Variants in PATJ observed in about 807,000 individuals in gnomAD.
PATJ encodes inaD-like protein.
In PATJ, 190 loss-of-function variants were observed where a neutral mutation model predicts 224.9. The ratio of observed to expected loss-of-function variants is 0.84; its 90% confidence interval spans 0.75 to 0.95. The LOEUF is 0.95. Ranked by LOEUF, PATJ falls within the 40% of genes least tolerant of loss-of-function variation. The probability of loss-of-function intolerance (pLI) is 0.00; values close to 1 mark genes in which losing one functional copy is unlikely to be tolerated. For synonymous variants in PATJ, 769 were observed against 820.3 expected, an observed-to-expected ratio of 0.94 and a Z score of 1.07; for missense variants, 2,121 against 2,270.3, an observed-to-expected ratio of 0.93 and a Z score of 1.34.
intron 33 of PATJ, among the ~76,000 whole-genome samples, chr1:62,102,859 C>G (rs1283344348): frequency 2.1e-5 from 1 of 47,008 alleles, no homozygotes; most frequent in Non-Finnish European, 4.3e-5. Flanking sequence ...TACCCTGTCT[C>G]AAAAAAAAAA....
chr1:62,017,782 C>A (rs1009050759), intron 28 of PATJ, 74 bp from the exon 29 acceptor site: 39 of 667,320 alleles, frequency 5.8e-5, no homozygotes, highest in Non-Finnish European at 9.3e-5. Flanking sequence ...TAGACTTTAT[C>A]ATTTAATTCC....
At chr1:61,811,273 G>T (rs1447362112) in intron 14 of PATJ, among the ~76,000 whole-genome samples, 1 of 152,054 alleles carries the variant, frequency 6.6e-6, no homozygotes, top group Non-Finnish European at 1.5e-5. Flanking sequence ...TTATTGCCTA[G>T]GCTGGGGTGC....
intron 30 of PATJ, 44 bp from the exon 31 acceptor site, chr1:62,050,922 G>C: frequency 7.0e-7 from 1 of 1,425,282 alleles, no homozygotes; most frequent in South Asian, 1.2e-5. Flanking sequence ...GGGAGTGTAA[G>C]TGAAGAATGA....
chr1:62,050,806 C>T (rs1653462974), intron 30 of PATJ, among the ~76,000 whole-genome samples, 160 bp from the exon 31 acceptor site: 1 of 152,150 alleles, frequency 6.6e-6, no homozygotes, highest in Admixed American at 6.5e-5. Context: ...AACAACAAAA[C>T]AGTCTTCTGC....
chr1:62,145,793 TA>T lies in PATJ; in HGVS notation c.5272-2486del, dbSNP rs573852295. The stretch of plus-strand genomic sequence containing the variant: ...CAACATGGTGAAACCCTGTCTCTAC[TA>T]AAAATACAAAAAAATTAGCCAGGCA... On this transcript the variant is annotated intron_variant, in intron 41 of 43. Coordinates refer to ENST00000642238, the MANE Select transcript of PATJ (RefSeq NM_001350145.3). 1.7e-3 allele frequency among the ~76,000 whole-genome samples: 265 copies of T among 151,822 alleles called. 1 individual carries two copies. The highest frequency in any genetic ancestry group is 6.1e-3 in the African/African-American group (254 of 41,394).
intron 29 of PATJ, among the ~76,000 whole-genome samples, chr1:62,025,493 G>C (rs1379527230): frequency 6.6e-6 from 1 of 152,200 alleles, no homozygotes; most frequent in African/African-American, 2.4e-5. Context: ...GAGGGGAATA[G>C]CTGAGAGTAT....
intron 17 of PATJ, among the ~76,000 whole-genome samples, chr1:61,835,115 C>T (rs1342706037): frequency 6.6e-6 from 1 of 152,082 alleles, no homozygotes; most frequent in Non-Finnish European, 1.5e-5. Context: ...TGCCAGATAG[C>T]CCTCTTCCTT....
At chr1:61,757,080 C>CTT (rs55788991) in intron 1 of PATJ, among the ~76,000 whole-genome samples, 5,016 of 129,148 alleles carry the variant, frequency 0.039, 311 homozygotes, top group East Asian at 0.13. Context: ...GTCACTTTTA[C>CTT]TTTTTTTTTT....
At chr1:61,774,152 G>A (rs1274558184) in intron 6 of PATJ, among the ~76,000 whole-genome samples, 1 of 150,778 alleles carries the variant, frequency 6.6e-6, no homozygotes, top group Non-Finnish European at 1.5e-5. Context: ...TTAGCTGGGC[G>A]TGGTGGTACA....
chr1:61,753,590 A>G (rs1242704148), intron 1 of PATJ, among the ~76,000 whole-genome samples: 2 of 151,388 alleles, frequency 1.3e-5, no homozygotes, highest in Admixed American at 6.6e-5. Context: ...GCTCACTGCA[A>G]CCTCCGCCTC....
In PATJ at chr1:61,884,356, A is replaced by C. The variant is rs1361752564; in HGVS notation, c.3079A>C (p.Lys1027Gln). 1 of 1,612,924 alleles carries C rather than the reference A, an allele frequency of 6.2e-7. No homozygotes were observed. Among genetic ancestry groups the C allele is most frequent in the Non-Finnish European group, 8.5e-7 (1 of 1,179,546 alleles). ...YQHQATRVIS[K>Q]ASAYTGMLSS... ...ACACCAAGCGACACGAGTTATTTCC[A>C]AGGCCTCAGCATACACAGGAATGTT... Residue 1027 changes from lysine to glutamine, a missense_variant, in exon 22 of 44, where the codon AAG becomes CAG. Lys to Gln is a moderately conservative substitution (Grantham distance 53, BLOSUM62 1). Transcript: ENST00000642238.
intron 14 of PATJ, among the ~76,000 whole-genome samples, chr1:61,819,824 A>G (rs1281221651): frequency 6.6e-6 from 1 of 152,172 alleles, no homozygotes; most frequent in African/African-American, 2.4e-5. Flanking sequence ...GCATTTAGCA[A>G]CTAACCAAAC....
chr1:61,854,685 C>T (rs1255798733), intron 17 of PATJ, among the ~76,000 whole-genome samples: 1 of 152,168 alleles, frequency 6.6e-6, no homozygotes, highest in Non-Finnish European at 1.5e-5. Context: ...ATCTGTAAAA[C>T]ACAGACAATA....
At position 61,914,323 on chromosome 1, in the gene PATJ, G is replaced by T. The variant is rs186074602; in HGVS notation, c.3493-264G>T. ...ATACAAAAATTAGCTGGGTGTGGTGGCAGGCGCCTATTACCCCAGCTACTC... is the reference window on the plus strand; with the variant it reads ...ATACAAAAATTAGCTGGGTGTGGTGTCAGGCGCCTATTACCCCAGCTACTC... On this transcript the variant is annotated intron_variant, in intron 25 of 43. Transcript: ENST00000642238. Among the ~76,000 whole-genome samples, 84 of 152,226 alleles carry T rather than the reference G, an allele frequency of 5.5e-4. No individual in the cohort carries two copies. In the East Asian group the frequency reaches 0.013, roughly 23 times the overall value.
At chr1:62,075,272 T>C (rs1421635385) in intron 31 of PATJ, among the ~76,000 whole-genome samples, 1 of 152,206 alleles carries the variant, frequency 6.6e-6, no homozygotes, top group African/African-American at 2.4e-5. Context: ...CAAAATGGAA[T>C]GAGCTTCTTC....
In PATJ at chr1:61,833,732, G is replaced by T; in HGVS notation, c.2059G>T (p.Val687Phe). The part of the protein sequence containing the change: ...LALWSPEVKI[V>F]ELVKDCKGLG... Reference sequence around the variant, plus strand: ...ACTGTGGTCCCCTGAAGTCAAGATTGTTGAACTAGTAAAAGATTGTAAAGG... The same window carrying T: ...ACTGTGGTCCCCTGAAGTCAAGATTTTTGAACTAGTAAAAGATTGTAAAGG... Residue 687 changes from valine (V) to phenylalanine (F), a missense_variant, in exon 17 of 44, where the codon GTT (valine) becomes TTT (phenylalanine). Val to Phe is a conservative substitution (Grantham distance 50, BLOSUM62 -1). Transcript: ENST00000642238. 1 of 1,613,642 alleles carries T rather than the reference G, an allele frequency of 6.2e-7. No individual in the cohort carries two copies. Among genetic ancestry groups the T allele is most frequent in the African/African-American group, 1.3e-5 (1 of 75,004 alleles).
At chr1:62,113,142 CAG>C (rs1342235821) in intron 34 of PATJ, among the ~76,000 whole-genome samples, 3 of 152,112 alleles carry the variant, frequency 2.0e-5, no homozygotes, top group South Asian at 4.1e-4. Flanking sequence ...GAAAAGGAAA[CAG>C]AGGCTCAGAG....
At chr1:61,985,506 A>G (rs1251495602) in intron 27 of PATJ, among the ~76,000 whole-genome samples, 2 of 152,092 alleles carry the variant, frequency 1.3e-5, no homozygotes, top group Admixed American at 6.5e-5. Flanking sequence ...TCAGTGTTAA[A>G]TACATTCACA....
intron 41 of PATJ, among the ~76,000 whole-genome samples, chr1:62,138,526 CA>C (rs1156915662): frequency 6.6e-6 from 1 of 152,096 alleles, no homozygotes; most frequent in Non-Finnish European, 1.5e-5. Context: ...AGGCTCGTCA[CA>C]AACTCCTGAC....
Sources: allele counts gnomAD v4.1 joint callset (sites outside exome capture counted in the v4.1 genomes callset), GRCh38; gene constraint gnomAD v4.1.1; transcripts MANE v1.5; gene names NCBI Gene and HGNC (gene_info 2026-07-23, HGNC 2026-07-21).